MON2: variants seen among roughly 807,000 people sequenced by gnomAD.
The protein encoded by MON2 is MON2 regulator of endosome-to-Golgi trafficking, also known as protein MON2 homolog.
In MON2, 84 loss-of-function variants were observed where a neutral mutation model predicts 208.6. That is an observed-to-expected ratio of 0.40 (90% CI 0.34 to 0.48). The LOEUF (loss-of-function observed/expected upper bound fraction) is 0.48. Ranked by LOEUF, MON2 falls within the 20% of genes least tolerant of loss-of-function variation. MON2 has a pLI of 0.59. For synonymous variants in MON2, 660 were observed against 694.0 expected, an observed-to-expected ratio of 0.95 and a Z score of 0.77; for missense variants, 1,611 against 2,015.4, an observed-to-expected ratio of 0.80 and a Z score of 3.84.
intron 19 of MON2, among the ~76,000 whole-genome samples, chr12:62,539,880 G>A (rs1261883517): frequency 6.6e-6 from 1 of 151,858 alleles, no homozygotes; most frequent in African/African-American, 2.4e-5. Flanking sequence ...AGCTGGACAT[G>A]CTCAGTTGAA....
Position 62,593,602 on chromosome 12 carries a change from A to G in MON2, c.*853A>G, listed in dbSNP as rs1328198272. The G allele has an allele frequency of 6.6e-6, 1 of 152,562 alleles. No homozygotes were observed. Among genetic ancestry groups the G allele is most frequent in the African/African-American group, 2.4e-5 (1 of 41,434 alleles). 9.5% of individuals were successfully genotyped at this position (152,562 alleles called of 1,614,324 possible). Reference sequence around the variant, plus strand: ...TGACTTCATCATACCTCATTTCTTTAAACAGCTCTCCAAGCTTTCACTGAA... The same window carrying G: ...TGACTTCATCATACCTCATTTCTTTGAACAGCTCTCCAAGCTTTCACTGAA... On this transcript the variant is annotated 3_prime_UTR_variant, in exon 35 of 35. Coordinates refer to ENST00000393630, the MANE Select transcript of MON2 (RefSeq NM_015026.3).
chr12:62,498,706 A>G (rs996615392), intron 4 of MON2, among the ~76,000 whole-genome samples: 2 of 152,346 alleles, frequency 1.3e-5, no homozygotes, highest in Admixed American at 6.5e-5. Flanking sequence ...CCAAATTTTA[A>G]AAGGTATGTT....
At chr12:62,517,046 C>G (rs973130079) in intron 8 of MON2, among the ~76,000 whole-genome samples, 6 of 152,084 alleles carry the variant, frequency 3.9e-5, no homozygotes, top group African/African-American at 1.2e-4. Flanking sequence ...AATCAGGTGG[C>G]CAGGTCATAT....
intron 32 of MON2, among the ~76,000 whole-genome samples, chr12:62,581,443 A>T (rs574558782): frequency 6.6e-6 from 1 of 152,198 alleles, no homozygotes; most frequent in African/African-American, 2.4e-5. Context: ...GTAGTCCTAG[A>T]TACTCGGGTG....
Position 62,558,689 on chromosome 12 carries a change from A to ATT in MON2, c.3410-1786_3410-1785dup, listed in dbSNP as rs35839265. Among the ~76,000 whole-genome samples, 471 of 138,056 alleles carry ATT rather than the reference A, an allele frequency of 3.4e-3. 1 individual carries two copies. Among genetic ancestry groups the ATT allele is most frequent in the Non-Finnish European group, 6.0e-3 (385 of 63,762 alleles). The allele number at this position is 138,056 out of a possible 152,430, so 90.6% of individuals were successfully genotyped here. On this transcript the variant is annotated intron_variant, in intron 25 of 34. Coordinates refer to ENST00000393630, the MANE Select transcript of MON2 (RefSeq NM_015026.3). ...TTTATTGTATGTAAATTATACCTCA[A>ATT]TTTTTTTTTTTTTTTTTGAGATGGA...
intron 13 of MON2, 46 bp from the exon 14 acceptor site, chr12:62,535,479 A>G: frequency 7.4e-7 from 1 of 1,359,710 alleles, no homozygotes; most frequent in Non-Finnish European, 1.0e-6. Flanking sequence ...TTTACAATGT[A>G]ATTAAAAATA....
intron 4 of MON2, among the ~76,000 whole-genome samples, chr12:62,497,918 C>G (rs912739481): frequency 1.3e-5 from 2 of 152,126 alleles, no homozygotes; most frequent in African/African-American, 4.8e-5. Context: ...GCCCAGCCAA[C>G]TGGCGGTTTC....
At chr12:62,490,333 T>TG (rs1191634161) in intron 2 of MON2, among the ~76,000 whole-genome samples, 2 of 152,248 alleles carry the variant, frequency 1.3e-5, no homozygotes, top group East Asian at 3.9e-4. Context: ...TTTCTGTTTT[T>TG]TTTTGTTTTG....
At chr12:62,497,725 C>T (rs1378480683) in intron 4 of MON2, among the ~76,000 whole-genome samples, 1 of 152,136 alleles carries the variant, frequency 6.6e-6, no homozygotes. Flanking sequence ...AAGGAATTCT[C>T]GTGCCTCAGG....
At chr12:62,554,144 T>G (rs1459422846) in intron 24 of MON2, among the ~76,000 whole-genome samples, 2 of 152,254 alleles carry the variant, frequency 1.3e-5, no homozygotes, top group Non-Finnish European at 2.9e-5. Flanking sequence ...TTTCTGATTC[T>G]AATTTTCCTT....
At chr12:62,576,460 TTATAA>T (rs1361072439) in intron 30 of MON2, among the ~76,000 whole-genome samples, 1 of 152,068 alleles carries the variant, frequency 6.6e-6, no homozygotes, top group Non-Finnish European at 1.5e-5. Context: ...AGGGTGAATT[TTATAA>T]TATATAGATT....
At chr12:62,470,039 G>A (rs1417520705) in intron 1 of MON2, among the ~76,000 whole-genome samples, 1 of 151,708 alleles carries the variant, frequency 6.6e-6, no homozygotes, top group Non-Finnish European at 1.5e-5. Context: ...TGAGTAGCTG[G>A]GACTACAGGT....
intron 4 of MON2, 73 bp downstream of exon 4, chr12:62,495,220 G>A (rs1029945908): frequency 1.4e-6 from 2 of 1,394,944 alleles, no homozygotes; most frequent in South Asian, 1.5e-5. Context: ...AAAGAGAAAA[G>A]CTTGGTGCCA....
intron 11 of MON2, among the ~76,000 whole-genome samples, chr12:62,529,602 A>G (rs2072519519): frequency 6.6e-6 from 1 of 152,178 alleles, no homozygotes; most frequent in African/African-American, 2.4e-5. Context: ...TTTACAGTGT[A>G]CAATTCATGG....
chr12:62,590,980 T>A (rs968988760), intron 34 of MON2, among the ~76,000 whole-genome samples: 3 of 152,242 alleles, frequency 2.0e-5, no homozygotes, highest in Non-Finnish European at 4.4e-5. Flanking sequence ...TTAAGAAATT[T>A]GAGTTGCTTC....
At chr12:62,546,182 A>G (rs1355812313) in intron 21 of MON2, among the ~76,000 whole-genome samples, 1 of 152,142 alleles carries the variant, frequency 6.6e-6, no homozygotes, top group African/African-American at 2.4e-5. Context: ...AGAATTTTAC[A>G]TTTAAATACA....
chr12:62,501,361 GTTGTCAGTAGT>G (rs2070820705), intron 6 of MON2, among the ~76,000 whole-genome samples: 1 of 152,152 alleles, frequency 6.6e-6, no homozygotes, highest in East Asian at 1.9e-4. Flanking sequence ...CTGTCTCTGT[GTTGTCAGTAGT>G]TATATGATTC....
chr12:62,557,958 ATATATTTTTT>A (rs2074051355), intron 25 of MON2, among the ~76,000 whole-genome samples: 1 of 27,306 alleles, frequency 3.7e-5, no homozygotes, highest in African/African-American at 2.5e-4. Context: ...ATATATATAT[ATATATTTTTT>A]TTTTTTTTTT....
intron 29 of MON2, among the ~76,000 whole-genome samples, chr12:62,570,932 A>G (rs559168331): frequency 1.3e-5 from 2 of 151,784 alleles, no homozygotes; most frequent in East Asian, 3.9e-4. Context: ...AGGTTTCACC[A>G]TGTTGGCCCA....
Sources: allele counts gnomAD v4.1 joint callset (sites outside exome capture counted in the v4.1 genomes callset), GRCh38; gene constraint gnomAD v4.1.1; transcripts MANE v1.5; gene names NCBI Gene and HGNC (gene_info 2026-07-23, HGNC 2026-07-21).